Variants in HSDL1 observed in about 807,000 individuals in gnomAD.
HSDL1 encodes the protein hydroxysteroid dehydrogenase like 1, also known as inactive hydroxysteroid dehydrogenase-like protein 1.
In HSDL1, 29 loss-of-function variants were observed where a neutral mutation model predicts 31.5. That is an observed-to-expected ratio of 0.92 (90% CI 0.69 to 1.26). The LOEUF (loss-of-function observed/expected upper bound fraction) is 1.26, where lower values mean the gene tolerates loss of function less well. Among genes scored for constraint, HSDL1 ranks in the 50% most tolerant of loss-of-function variants. The pLI, the probability that HSDL1 is intolerant of heterozygous loss-of-function variation, is 0.00. For missense variants in HSDL1, 503 were observed against 416.6 expected (o/e 1.21, Z -1.81); for synonymous variants, 222 against 155.2 (o/e 1.43, Z -3.20).
rs1202196466 is a variant in HSDL1, at chr16:84,130,285, C to A, written c.367G>T (p.Val123Phe). 6.2e-7 allele frequency: 1 copy of A among 1,614,202 alleles called. No homozygotes were observed. The highest frequency in any genetic ancestry group is 8.5e-7 in the Non-Finnish European group (1 of 1,180,038). Reference protein sequence around the residue: ...DTYKVETDIIVADFSSGREIY... With the variant: ...DTYKVETDIIFADFSSGREIY... ...TCACGACCGCTGCTGAAGTCCGCAACTATAATATCAGTTTCCACTTTGTAC... is the reference window on the plus strand; with the variant it reads ...TCACGACCGCTGCTGAAGTCCGCAAATATAATATCAGTTTCCACTTTGTAC... Residue 123 changes from valine (V) to phenylalanine (F), a missense_variant, in exon 4 of 6, where the codon GTT becomes TTT. By Grantham distance (50) the Val-to-Phe change is conservative (BLOSUM62 -1). Transcript: ENST00000219439.
Position 84,123,642 on chromosome 16 carries a change from C to A in HSDL1, c.*988G>T, listed in dbSNP as rs1314462046. The A allele has an allele frequency of 2.0e-5, 3 of 152,168 alleles. No homozygotes were observed. The highest frequency in any genetic ancestry group is 4.4e-5 in the Non-Finnish European group (3 of 68,036). The allele number at this position is 152,168 out of a possible 1,614,324, so 9.4% of individuals were successfully genotyped here. Reference sequence around the variant, plus strand: ...TCCATATTTTACTATTCCATAAATACTTACTATTTCTATCAATAATGCTAC... The same window carrying A: ...TCCATATTTTACTATTCCATAAATAATTACTATTTCTATCAATAATGCTAC... On this transcript the variant is annotated 3_prime_UTR_variant, in exon 6 of 6. Coordinates refer to ENST00000219439, the MANE Select transcript of HSDL1 (RefSeq NM_031463.5).
intron 1 of HSDL1, among the ~76,000 whole-genome samples, chr16:84,137,923 G>A (rs202021701): frequency 1.3e-5 from 2 of 152,170 alleles, no homozygotes; most frequent in South Asian, 4.1e-4. Flanking sequence ...TTTGTGGCTT[G>A]ATTAGCGAAA....
chr16:84,131,125 T>C lies in HSDL1; in HGVS notation c.197A>G (p.Tyr66Cys). 6.2e-7 allele frequency: 1 copy of C among 1,613,694 alleles called. No individual in the cohort carries two copies. Among genetic ancestry groups the C allele is most frequent in the Non-Finnish European group, 8.5e-7 (1 of 1,179,582 alleles). The stretch of plus-strand genomic sequence containing the variant: ...ACCGCTGACAACGGCCCATCTTCCA[T>C]ACTGCTTGATCAAGTCTGCTCTGCT... The part of the protein sequence containing the change: ...LGSRADLIKQ[Y>C]GRWAVVSGAT... Residue 66 changes from tyrosine (Y) to cysteine (C), a missense_variant, in exon 3 of 6, where the codon TAT becomes TGT. By Grantham distance (194) the Tyr-to-Cys change is radical (BLOSUM62 -2). Coordinates refer to ENST00000219439, the MANE Select transcript of HSDL1 (RefSeq NM_031463.5).
At position 84,126,294 on chromosome 16, in the gene HSDL1, G is replaced by A. The variant is rs1027419128; in HGVS notation, c.895-1566C>T. Among the ~76,000 whole-genome samples the A allele has an allele frequency of 5.9e-5, 9 of 152,050 alleles. No individual in the cohort carries two copies. The South Asian group carries it at 1.0e-3, about 18-fold the overall frequency. On this transcript the variant is annotated intron_variant, in intron 5 of 5. Transcript: ENST00000219439. ...TCTTGACCTATGATGGGGGTGCTCA[G>A]GGGACCAGGGAAGGGAGTCCTGCTG...
intron 2 of HSDL1, among the ~76,000 whole-genome samples, chr16:84,134,565 T>G (rs62045762): frequency 6.6e-6 from 1 of 151,892 alleles, no homozygotes; most frequent in East Asian, 1.9e-4. Context: ...TGAGCCAAGA[T>G]TGCACCACTG....
chr16:84,132,319 A>G (rs1392259694), intron 2 of HSDL1, among the ~76,000 whole-genome samples: 2 of 152,240 alleles, frequency 1.3e-5, no homozygotes, highest in African/African-American at 2.4e-5. Context: ...CTTGGCCTCA[A>G]AAGCTTACAA....
intron 1 of HSDL1, among the ~76,000 whole-genome samples, chr16:84,142,563 G>A (rs190465621): frequency 1.2e-4 from 18 of 148,886 alleles, no homozygotes; most frequent in African/African-American, 4.4e-4. Flanking sequence ...AGCCTCCCAA[G>A]TAACTGGGAC....
intron 1 of HSDL1, among the ~76,000 whole-genome samples, chr16:84,139,921 C>T (rs758090830): frequency 2.0e-5 from 3 of 152,160 alleles, no homozygotes; most frequent in African/African-American, 4.8e-5. Context: ...TTAATTTTTT[C>T]AGAGTGTGAA....
At chr16:84,139,493 T>G (rs2086745540) in intron 1 of HSDL1, among the ~76,000 whole-genome samples, 1 of 152,188 alleles carries the variant, frequency 6.6e-6, no homozygotes, top group South Asian at 2.1e-4. Context: ...GATTCTCCCC[T>G]GGAGCCTCCA....
chr16:84,129,852 A>T (rs971165518), intron 4 of HSDL1, 77 bp from the exon 5 acceptor site: 2 of 1,444,092 alleles, frequency 1.4e-6, no homozygotes, highest in African/African-American at 1.4e-5. Flanking sequence ...AGACTTGCTT[A>T]TTATCAATTC....
At chr16:84,127,728 T>G (rs1196168747) in intron 5 of HSDL1, among the ~76,000 whole-genome samples, 2 of 149,782 alleles carry the variant, frequency 1.3e-5, no homozygotes, top group Non-Finnish European at 3.0e-5. Flanking sequence ...TTTTTTTTTT[T>G]TTTTTTGTGA....
intron 1 of HSDL1, among the ~76,000 whole-genome samples, chr16:84,137,115 CGTGCCACCCGGTATACACAGAAGT>C: frequency 6.6e-6 from 1 of 152,280 alleles, no homozygotes; most frequent in East Asian, 1.9e-4. Context: ...ACCAGGACTC[CGTGCCACCCGGTATACACAGAAGT>C]CAGAGAAAGA....
intron 1 of HSDL1, among the ~76,000 whole-genome samples, chr16:84,139,804 G>C (rs2086748300): frequency 6.6e-6 from 1 of 152,142 alleles, no homozygotes; most frequent in African/African-American, 2.4e-5. Context: ...GACTGACCAG[G>C]GTAGACCTGA....
intron 1 of HSDL1, among the ~76,000 whole-genome samples, chr16:84,137,503 C>T (rs904383300): frequency 6.6e-6 from 1 of 152,100 alleles, no homozygotes; most frequent in Non-Finnish European, 1.5e-5. Context: ...AGGAAGGTAA[C>T]GCAGCAGGGG....
chr16:84,136,980 G>A (rs759638559), intron 1 of HSDL1, among the ~76,000 whole-genome samples: 15 of 152,234 alleles, frequency 9.9e-5, no homozygotes, highest in South Asian at 2.1e-4. Context: ...ACAACACAGC[G>A]AAGAGGCCTA....
chr16:84,127,027 G>A (rs2086614490), intron 5 of HSDL1, among the ~76,000 whole-genome samples: 1 of 152,116 alleles, frequency 6.6e-6, no homozygotes, highest in African/African-American at 2.4e-5. Context: ...TTAATTTTGA[G>A]TAAACTGTTC....
intron 2 of HSDL1, among the ~76,000 whole-genome samples, chr16:84,131,633 G>C (rs1299385036): frequency 6.6e-6 from 1 of 150,936 alleles, no homozygotes; most frequent in Non-Finnish European, 1.5e-5. Flanking sequence ...TCCTGCCTCA[G>C]CCTCCCAAGT....
At chr16:84,131,471 C>G in intron 2 of HSDL1, 144 bp from the exon 3 acceptor site, 1 of 628,552 alleles carries the variant, frequency 1.6e-6, no homozygotes, top group Middle Eastern at 4.3e-4. Context: ...ATGTACGTGG[C>G]TCACAGTTTC....
intron 4 of HSDL1, 55 bp from the exon 5 acceptor site, chr16:84,129,830 C>T (rs2086644859): frequency 2.0e-6 from 3 of 1,502,398 alleles, no homozygotes; most frequent in Admixed American, 2.0e-5. Flanking sequence ...CTTGAAAATT[C>T]AGGAGAAAAA....
Sources: gnomAD v4.1 joint callset for allele counts (sites outside exome capture counted in the v4.1 genomes callset) on GRCh38, gnomAD v4.1.1 for gene constraint, MANE v1.5 for transcripts, NCBI Gene and HGNC (gene_info 2026-07-23, HGNC 2026-07-21) for gene names.